Variants in PRSS56 observed in about 807,000 individuals in gnomAD.
PRSS56 encodes the protein protease, serine 56.
In PRSS56, 55 loss-of-function variants were observed where a neutral mutation model predicts 66.8. That is an observed-to-expected ratio of 0.82 (90% CI 0.66 to 1.03). The LOEUF (loss-of-function observed/expected upper bound fraction) is 1.03. PRSS56 is among the 50% of genes least tolerant of loss of function. PRSS56 has a pLI of 0.00. For missense variants in PRSS56, 869 were observed against 837.2 expected, an observed-to-expected ratio of 1.04 and a Z score of -0.47; for synonymous variants, 409 against 387.9, an observed-to-expected ratio of 1.05 and a Z score of -0.64.
chr2:232,523,505 C>T lies in PRSS56; in HGVS notation c.939C>T (p.Cys313=), dbSNP rs911135298. The T allele has an allele frequency of 2.5e-5, 39 of 1,531,724 alleles. No homozygotes were observed. The African/African-American group carries it at 4.4e-4, about 17-fold the overall frequency. The allele number at this position is 1,531,724 out of a possible 1,614,324, so 94.9% of individuals were successfully genotyped here. A position where few individuals can be genotyped will look rare whatever the true frequency, so the allele number is the denominator to read the frequency against. ...LFGVTSWGDG[C]GEPGKPGVYT... ...GAGTCACCTCCTGGGGGGACGGCTG[C>T]GGGGAGCCAGGGAAGCCCGGGGTCT... The change falls in exon 8 of 13, where the codon TGC becomes TGT. Residue 313 remains cysteine (C), a synonymous_variant. Transcript: ENST00000617714.
chr2:232,521,294 A>G (rs760590396), intron 1 of PRSS56, 27 bp from the exon 2 acceptor site: 1 of 1,515,456 alleles, frequency 6.6e-7, no homozygotes, highest in South Asian at 1.2e-5. Context: ...CCAACCACGC[A>G]TGATTGTGTG....
At position 232,522,642 on chromosome 2, in the gene PRSS56, G is replaced by A. The variant is rs1223500201; in HGVS notation, c.546+28G>A. On this transcript the variant is annotated intron_variant, in intron 5 of 12. Transcript: ENST00000617714. ...GAGAAGGCAGTCCCCAGGCCCCCAA[G>A]GCTGGGCACCGCACCCCCACCCGTG... 3 of 1,532,794 alleles carry A rather than the reference G, an allele frequency of 2.0e-6. No homozygotes were observed. The African/African-American group carries it at 4.1e-5, about 21-fold the overall frequency. The allele number at this position is 1,532,794 out of a possible 1,614,324, so 94.9% of individuals were successfully genotyped here. A position where few individuals can be genotyped will look rare whatever the true frequency, so the allele number is the denominator to read the frequency against.
In PRSS56 at chr2:232,522,169, G is replaced by A; in HGVS notation, c.446+9G>A. 2 of 1,488,420 alleles carry A rather than the reference G, an allele frequency of 1.3e-6. No individual in the cohort carries two copies. The highest frequency in any genetic ancestry group is 1.8e-6 in the Non-Finnish European group (2 of 1,124,354). 92.2% of individuals were successfully genotyped at this position (1,488,420 alleles called of 1,614,324 possible). On this transcript the variant is annotated intron_variant, in intron 4 of 12. Coordinates refer to ENST00000617714, the MANE Select transcript of PRSS56 (RefSeq NM_001195129.2). Reference sequence around the variant, plus strand: ...GCGCACTGCTTTGTAGGGTAAGTAGGACCCCCAGGCCTTGCCCAGCTGGGG... The same window carrying A: ...GCGCACTGCTTTGTAGGGTAAGTAGAACCCCCAGGCCTTGCCCAGCTGGGG...
chr2:232,523,183 G>A lies in PRSS56; in HGVS notation c.830G>A (p.Gly277Glu). 1.3e-6 allele frequency: 2 copies of A among 1,481,616 alleles called. No homozygotes were observed. Among genetic ancestry groups the A allele is most frequent in the Non-Finnish European group, 1.8e-6 (2 of 1,119,658 alleles). 91.8% of individuals were successfully genotyped at this position (1,481,616 alleles called of 1,614,324 possible). The change falls in exon 7 of 13, where the codon GGG becomes GAG. Residue 277 changes from glycine (G) to glutamate (E), a missense_variant. Physicochemically the swap from Gly to Glu is moderately conservative, Grantham distance 98. Coordinates refer to ENST00000617714, the MANE Select transcript of PRSS56 (RefSeq NM_001195129.2). Reference sequence around the variant, plus strand: ...ATGCTCTGCGCCGGGTACCTGGCGGGGGGCGTTGACTCGTGCCAGGTATGA... The same window carrying A: ...ATGCTCTGCGCCGGGTACCTGGCGGAGGGCGTTGACTCGTGCCAGGTATGA... ...STMLCAGYLA[G>E]GVDSCQGDSG...
At position 232,524,181 on chromosome 2, in the gene PRSS56, C is replaced by G; in HGVS notation, c.1329C>G (p.Ala443=). Residue 443 remains alanine, a synonymous_variant, in exon 10 of 13, where the codon GCC becomes GCG. Coordinates refer to ENST00000617714, the MANE Select transcript of PRSS56 (RefSeq NM_001195129.2). ...PALRESPLHP[A]RELRLHSGSR... is the part of the protein sequence containing the mutation. Reference sequence around the variant, plus strand: ...TCAGGGAGTCTCCTCTGCACCCCGCCCGGGAGCTGCGGCTTCACTCAGGTA... The same window carrying G: ...TCAGGGAGTCTCCTCTGCACCCCGCGCGGGAGCTGCGGCTTCACTCAGGTA... The G allele has an allele frequency of 1.3e-6, 2 of 1,529,452 alleles. No individual in the cohort carries two copies. The highest frequency in any genetic ancestry group is 1.2e-5 in the South Asian group (1 of 83,556). 94.7% of individuals were successfully genotyped at this position (1,529,452 alleles called of 1,614,324 possible). A position where few individuals can be genotyped will look rare whatever the true frequency, so the allele number is the denominator to read the frequency against.
At chr2:232,522,950 A>G in intron 6 of PRSS56, 89 bp downstream of exon 6, 1 of 1,411,100 alleles carries the variant, frequency 7.1e-7, no homozygotes, top group Non-Finnish European at 9.3e-7. Context: ...CCTTGGAAAA[A>G]TGCTGCCTGC....
chr2:232,521,497 C>T lies in PRSS56; in HGVS notation c.205+69C>T, dbSNP rs555968093. The T allele has an allele frequency of 2.5e-5, 31 of 1,258,182 alleles. No homozygotes were observed. In the East Asian group the frequency reaches 7.6e-4, roughly 31 times the overall value. The allele number at this position is 1,258,182 out of a possible 1,614,324, so 77.9% of individuals were successfully genotyped here. On this transcript the variant is annotated intron_variant, in intron 2 of 12. Coordinates refer to ENST00000617714, the MANE Select transcript of PRSS56 (RefSeq NM_001195129.2). Reference sequence around the variant, plus strand: ...CCTGGGCCCATTCTGCTGCCTCTGTCCCTTCCCTTCAGTCTTCACTCTCCT... The same window carrying T: ...CCTGGGCCCATTCTGCTGCCTCTGTTCCTTCCCTTCAGTCTTCACTCTCCT...
intron 12 of PRSS56, among the ~76,000 whole-genome samples, 170 bp downstream of exon 12, chr2:232,525,014 G>C (rs543941420): frequency 6.6e-6 from 1 of 152,000 alleles, no homozygotes; most frequent in Non-Finnish European, 1.5e-5. Context: ...TGGGGCCTGC[G>C]GAGTGTGAGC....
chr2:232,521,300 G>T, intron 1 of PRSS56, 21 bp from the exon 2 acceptor site: 1 of 1,524,888 alleles, frequency 6.6e-7, no homozygotes, highest in South Asian at 1.2e-5. Flanking sequence ...ACGCATGATT[G>T]TGTGCCCCCT....
At position 232,522,989 on chromosome 2, in the gene PRSS56, G is replaced by A. The variant is rs1010646792; in HGVS notation, c.707-71G>A. The stretch of plus-strand genomic sequence containing the variant: ...TTCAAAGGGGGAGGAATCAAGGGGG[G>A]TGGTGGGAAGGGGACCCTCAAGGCG... On this transcript the variant is annotated intron_variant, in intron 6 of 12. Transcript: ENST00000617714. 3.4e-6 allele frequency: 5 copies of A among 1,491,126 alleles called. No homozygotes were observed. The Admixed American group carries it at 9.1e-5, about 27-fold the overall frequency. 92.4% of individuals were successfully genotyped at this position (1,491,126 alleles called of 1,614,324 possible).
chr2:232,523,585 G>T lies in PRSS56; in HGVS notation c.1012+7G>T, dbSNP rs937333732. The T allele has an allele frequency of 4.6e-6, 7 of 1,518,190 alleles. No homozygotes were observed. Among genetic ancestry groups the T allele is most frequent in the South Asian group, 1.2e-5 (1 of 80,862 alleles). 94.0% of individuals were successfully genotyped at this position (1,518,190 alleles called of 1,614,324 possible). A position where few individuals can be genotyped will look rare whatever the true frequency, so the allele number is the denominator to read the frequency against. On this transcript the variant is annotated splice_region_variant and intron_variant, in intron 8 of 12. Transcript: ENST00000617714. Reference sequence around the variant, plus strand: ...CTCCAGGAGCAGATGAGCGGTGAGCGCCCTCTTTCCAATGCCCCGTCCCCA... The same window carrying T: ...CTCCAGGAGCAGATGAGCGGTGAGCTCCCTCTTTCCAATGCCCCGTCCCCA...
rs1464850515 is a variant in PRSS56, at chr2:232,523,487, C to T, written c.921C>T (p.Thr307=). The change falls in exon 8 of 13, where the codon ACC becomes ACT. Residue 307 remains threonine (T), a synonymous_variant. Transcript: ENST00000617714. ...PRPREVLFGV[T]SWGDGCGEPG... ...CTAGAGAGGTCCTGTTCGGAGTCAC[C>T]TCCTGGGGGGACGGCTGCGGGGAGC... 2 of 1,529,820 alleles carry T rather than the reference C, an allele frequency of 1.3e-6. No homozygotes were observed. The highest frequency in any genetic ancestry group is 2.4e-5 in the South Asian group (2 of 82,886). 94.8% of individuals were successfully genotyped at this position (1,529,820 alleles called of 1,614,324 possible). A position where few individuals can be genotyped will look rare whatever the true frequency, so the allele number is the denominator to read the frequency against.
rs1184074197 is a variant in PRSS56 at position 232,524,368 on chromosome 2, C to A, written c.1413C>A (p.Asn471Lys). 6.5e-7 allele frequency: 1 copy of A among 1,534,886 alleles called. No individual in the cohort carries two copies. Among genetic ancestry groups the A allele is most frequent in the Non-Finnish European group, 8.7e-7 (1 of 1,146,464 alleles). The change falls in exon 11 of 13, where the codon AAC (asparagine) becomes AAA (lysine). Residue 471 changes from asparagine to lysine, a missense_variant and splice_region_variant. By Grantham distance (94) the Asn-to-Lys change is moderately conservative (BLOSUM62 0). Around this residue, in one of 3 missense-constraint regions of PRSS56, gnomAD observed 551 missense variants for 506.9 expected, o/e 1.09. Coordinates refer to ENST00000617714, the MANE Select transcript of PRSS56 (RefSeq NM_001195129.2). ...KRRPEPRGEA[N>K]GCPGLEPLRQ... is the part of the protein sequence containing the mutation. ...GGCCGGAGCCGCGCGGAGAAGCCAA[C>A]GGTAATGACGCCCCCTGCCGACCTT...
At chr2:232,524,630 G>A in intron 11 of PRSS56, 108 bp from the exon 12 acceptor site, 1 of 784,512 alleles carries the variant, frequency 1.3e-6, no homozygotes, top group Non-Finnish European at 2.0e-6. Flanking sequence ...TAGCATAAGA[G>A]GATAAGTGTG....
At position 232,525,461 on chromosome 2, in the gene PRSS56, G is replaced by A. The variant is rs1362048632; in HGVS notation, c.1767G>A (p.Gly589=). The stretch of plus-strand genomic sequence containing the variant: ...AGGGGCCCGGGCTGGAGAGGAAGGG[G>A]CACCACCCACTCAACCCTCAGGTAC... ...VGQGPGLERK[G]HHPLNPQVPP... The change falls in exon 13 of 13, where the codon GGG becomes GGA. Residue 589 remains glycine (G), a synonymous_variant. Coordinates refer to ENST00000617714, the MANE Select transcript of PRSS56 (RefSeq NM_001195129.2). 1.4e-5 allele frequency: 21 copies of A among 1,518,638 alleles called. No individual in the cohort carries two copies. The highest frequency in any genetic ancestry group is 1.2e-4 in the African/African-American group (9 of 72,652). The allele number at this position is 1,518,638 out of a possible 1,614,324, so 94.1% of individuals were successfully genotyped here. A position where few individuals can be genotyped will look rare whatever the true frequency, so the allele number is the denominator to read the frequency against.
chr2:232,523,055 T>G lies in PRSS56; in HGVS notation c.707-5T>G. On this transcript the variant is annotated splice_region_variant and splice_polypyrimidine_tract_variant and intron_variant, in intron 6 of 12. Coordinates refer to ENST00000617714, the MANE Select transcript of PRSS56 (RefSeq NM_001195129.2). Reference sequence around the variant, plus strand: ...AAACCTGAGCCTTCCACCCCTTCCCTGCAGACGGGCCTGAGGCTGAAGCAG... The same window carrying G: ...AAACCTGAGCCTTCCACCCCTTCCCGGCAGACGGGCCTGAGGCTGAAGCAG... 6.5e-7 allele frequency: 1 copy of G among 1,534,062 alleles called. No individual in the cohort carries two copies. The highest frequency in any genetic ancestry group is 8.7e-7 in the Non-Finnish European group (1 of 1,145,808).
chr2:232,523,961 C>G lies in PRSS56; in HGVS notation c.1186+16C>G, dbSNP rs1455946494. ...CGGCGATGCGGTCAGTTCTGTTCAC[C>G]CGGACCCGGACGGGGGGCAGAGGGG... On this transcript the variant is annotated intron_variant, in intron 9 of 12. Coordinates refer to ENST00000617714, the MANE Select transcript of PRSS56 (RefSeq NM_001195129.2). The G allele has an allele frequency of 1.3e-6, 2 of 1,515,354 alleles. No individual in the cohort carries two copies. The highest frequency in any genetic ancestry group is 2.0e-5 in the Admixed American group (1 of 48,950). The allele number at this position is 1,515,354 out of a possible 1,614,324, so 93.9% of individuals were successfully genotyped here.
Position 232,522,854 on chromosome 2 carries a change from C to T in PRSS56, c.699C>T (p.Leu233=). 1.4e-6 allele frequency: 2 copies of T among 1,464,896 alleles called. No homozygotes were observed. Among genetic ancestry groups the T allele is most frequent in the South Asian group, 2.7e-5 (2 of 72,966 alleles). 90.7% of individuals were successfully genotyped at this position (1,464,896 alleles called of 1,614,324 possible). ...GCGCCATCGCGGGCTGGGGCGCCCTCTTCGAAGGTACTGGGCGTGGGTGAG... is the reference window on the plus strand; with the variant it reads ...GCGCCATCGCGGGCTGGGGCGCCCTTTTCGAAGGTACTGGGCGTGGGTGAG... ...TACAIAGWGA[L]FEDGPEAEAV... The change falls in exon 6 of 13, where the codon CTC becomes CTT. Residue 233 remains leucine, a synonymous_variant. Coordinates refer to ENST00000617714, the MANE Select transcript of PRSS56 (RefSeq NM_001195129.2).
At position 232,523,622 on chromosome 2, in the gene PRSS56, G is replaced by T. The variant is rs1341923690; in HGVS notation, c.1012+44G>T. ...ATGCCCCGTCCCCAGTGCCCCAACG[G>T]ACAACCGTGGGACAAGCCCGTTTCC... On this transcript the variant is annotated intron_variant, in intron 8 of 12. Coordinates refer to ENST00000617714, the MANE Select transcript of PRSS56 (RefSeq NM_001195129.2). The T allele has an allele frequency of 2.7e-6, 4 of 1,503,546 alleles. No individual in the cohort carries two copies. The Admixed American group carries it at 8.3e-5, about 31-fold the overall frequency. 93.1% of individuals were successfully genotyped at this position (1,503,546 alleles called of 1,614,324 possible). A position where few individuals can be genotyped will look rare whatever the true frequency, so the allele number is the denominator to read the frequency against.
Sources: allele counts gnomAD v4.1 joint callset (sites outside exome capture counted in the v4.1 genomes callset), GRCh38; gene constraint gnomAD v4.1.1; regional missense constraint gnomAD v4.1.1; transcripts MANE v1.5; gene names NCBI Gene and HGNC (gene_info 2026-07-23, HGNC 2026-07-21).